AKAP14: variants seen among roughly 807,000 people sequenced by gnomAD.
AKAP14 encodes the protein A-kinase anchor protein 14.
AKAP14 carries 4 observed loss-of-function variants against 17.0 expected under a neutral mutation model. The ratio of observed to expected loss-of-function variants is 0.23; its 90% CI spans 0.12 to 0.54. The LOEUF (loss-of-function observed/expected upper bound fraction) is 0.54. Ranked by LOEUF, AKAP14 falls within the 20% of genes least tolerant of loss-of-function variation. The pLI, the probability that AKAP14 is intolerant of heterozygous loss-of-function variation, is 0.95. For missense variants in AKAP14, 129 were observed against 150.9 expected (o/e 0.85, Z 0.76); for synonymous variants, 42 against 51.3 (o/e 0.82, Z 0.77).
chrX:119,897,544 T>C (rs375824998), intron 2 of AKAP14, among the ~76,000 whole-genome samples: 7 of 112,389 alleles, frequency 6.2e-5, no homozygotes, highest in Non-Finnish European at 1.3e-4. Context: ...CCAAAAACCT[T>C]TGTACAGTTG....
At chrX:119,901,440 C>T (rs1194284193) in intron 2 of AKAP14, among the ~76,000 whole-genome samples, 2 of 111,597 alleles carry the variant, frequency 1.8e-5, no homozygotes, top group Non-Finnish European at 3.8e-5. Context: ...TGTGGTGGCT[C>T]ACACCTGTAA....
chrX:119,917,421 C>T lies in AKAP14; in HGVS notation c.442-2490C>T, dbSNP rs529280676. Reference sequence around the variant, plus strand: ...CTGAGGTTGGGAGTTCCAGACCAGCCTGACCAACACCCTGTCACTACTAAA... The same window carrying T: ...CTGAGGTTGGGAGTTCCAGACCAGCTTGACCAACACCCTGTCACTACTAAA... On this transcript the variant is annotated intron_variant, in intron 5 of 6. Coordinates refer to ENST00000371431, the MANE Select transcript of AKAP14 (RefSeq NM_178813.6). 2.3e-4 allele frequency among the ~76,000 whole-genome samples: 26 copies of T among 111,530 alleles called. No individual in the cohort carries two copies. The South Asian group carries it at 9.7e-3, about 42-fold the overall frequency.
Position 119,920,645 on chromosome X carries a change from G to C in AKAP14, c.*38G>C. ...GTCTTAGGATTGTTTTTCTCATCAG[G>C]ATACATTAAAAATACAATACAGCAC... is the stretch of plus-strand genomic sequence containing the variant. On this transcript the variant is annotated 3_prime_UTR_variant, in exon 7 of 7. Transcript: ENST00000371431. The C allele has an allele frequency of 9.6e-7, 1 of 1,038,931 alleles. No homozygotes were observed. Among genetic ancestry groups the C allele is most frequent in the Non-Finnish European group, 1.3e-6 (1 of 751,251 alleles). The allele number at this position is 1,038,931 out of a possible 1,213,427, so 85.6% of individuals were successfully genotyped here.
At chrX:119,918,033 C>T (rs1161441341) in intron 5 of AKAP14, among the ~76,000 whole-genome samples, 5 of 111,567 alleles carry the variant, frequency 4.5e-5, no homozygotes, top group African/African-American at 1.6e-4. Context: ...GTGCTCTGGC[C>T]ATTCTGATCT....
Position 119,910,087 on chromosome X carries a change from C to T in AKAP14, c.262-4612C>T, listed in dbSNP as rs186184273. On this transcript the variant is annotated intron_variant, in intron 4 of 6. Transcript: ENST00000371431. ...CTGAGGCGGGAGGGTCACTTAAGCC[C>T]GGGAAGGTTGAGGCTACAATGAGCC... Among the ~76,000 whole-genome samples the T allele has an allele frequency of 8.2e-5, 9 of 110,129 alleles. No homozygotes were observed. The East Asian group carries it at 8.6e-4, about 10-fold the overall frequency.
At chrX:119,915,625 C>A (rs1247437115) in intron 5 of AKAP14, among the ~76,000 whole-genome samples, 1 of 112,077 alleles carries the variant, frequency 8.9e-6, no homozygotes, top group Non-Finnish European at 1.9e-5. Flanking sequence ...CCTGTCTCAA[C>A]CTCCCAAGTA....
intron 4 of AKAP14, among the ~76,000 whole-genome samples, chrX:119,913,145 A>C (rs1374603392): frequency 2.8e-5 from 3 of 106,723 alleles, no homozygotes; most frequent in Non-Finnish European, 3.8e-5. Flanking sequence ...TAAATAAATA[A>C]ATAAATAAAA....
chrX:119,908,693 A>C (rs761229711), intron 4 of AKAP14, among the ~76,000 whole-genome samples: 1 of 111,955 alleles, frequency 8.9e-6, no homozygotes, highest in East Asian at 2.8e-4. Context: ...TAGTTGGCTA[A>C]GCCATCCATG....
chrX:119,911,993 C>T (rs377301195), intron 4 of AKAP14, among the ~76,000 whole-genome samples: 22 of 107,177 alleles, frequency 2.1e-4, no homozygotes, highest in East Asian at 1.8e-3. Context: ...TGCAATGGCG[C>T]GATCTCAGCT....
intron 2 of AKAP14, among the ~76,000 whole-genome samples, chrX:119,900,998 A>G (rs962203056): frequency 1.8e-5 from 2 of 112,641 alleles, no homozygotes; most frequent in African/African-American, 3.2e-5. Flanking sequence ...AGCCATCTTT[A>G]CAGCCCTAGT....
rs767111071 is a variant in AKAP14 at position 119,903,517 on chromosome X, C to T, written c.192C>T (p.Asn64=). The change falls in exon 4 of 7, where the codon AAC becomes AAT. Residue 64 remains asparagine, a synonymous_variant. Transcript: ENST00000371431. ...IVEEERNPLK[N]IKWMTHGEFT... ...CAGAGGAGCGAAACCCTTTGAAAAACATCAAGTGGATGACTCACGGTGAAT... is the reference window on the plus strand; with the variant it reads ...CAGAGGAGCGAAACCCTTTGAAAAATATCAAGTGGATGACTCACGGTGAAT... 8.3e-7 allele frequency: 1 copy of T among 1,210,032 alleles called. No homozygotes were observed. The highest frequency in any genetic ancestry group is 1.7e-5 in the African/African-American group (1 of 57,233).
chrX:119,914,447 A>G (rs1284263370), intron 4 of AKAP14, among the ~76,000 whole-genome samples: 1 of 110,062 alleles, frequency 9.1e-6, no homozygotes, highest in East Asian at 2.9e-4. Flanking sequence ...CAGCCTCCCC[A>G]GTAGCTGGGA....
At chrX:119,915,087 T>C (rs763935241) in intron 5 of AKAP14, among the ~76,000 whole-genome samples, 4 of 111,906 alleles carry the variant, frequency 3.6e-5, no homozygotes, top group Non-Finnish European at 7.5e-5. Flanking sequence ...ACTTTCCTGA[T>C]TTTCCTCCTG....
At chrX:119,898,881 G>C (rs1270003367) in intron 2 of AKAP14, among the ~76,000 whole-genome samples, 1 of 106,164 alleles carries the variant, frequency 9.4e-6, no homozygotes, top group Non-Finnish European at 1.9e-5. Flanking sequence ...GAAAATGTGA[G>C]AATAAGGCCA....
chrX:119,911,600 G>A (rs1456464271), intron 4 of AKAP14, among the ~76,000 whole-genome samples: 2 of 111,479 alleles, frequency 1.8e-5, no homozygotes, highest in East Asian at 2.8e-4. Context: ...AGCTTCTCAA[G>A]AAATGACAAC....
At chrX:119,907,857 T>A (rs2056606508) in intron 4 of AKAP14, among the ~76,000 whole-genome samples, 1 of 112,124 alleles carries the variant, frequency 8.9e-6, no homozygotes, top group African/African-American at 3.2e-5. Context: ...TTTTTTCTCA[T>A]CAGCTTCTAC....
In AKAP14 at chrX:119,919,491, G is replaced by C. The variant is rs191982630; in HGVS notation, c.442-420G>C. Among the ~76,000 whole-genome samples, 11 of 112,548 alleles carry C rather than the reference G, an allele frequency of 9.8e-5. No individual in the cohort carries two copies. In the East Asian group the frequency reaches 3.1e-3, roughly 31 times the overall value. Reference sequence around the variant, plus strand: ...CTATAGATTCCCAATTCATAAGCAAGATGAATTCTAGAAATTCAAAAGTAT... The same window carrying C: ...CTATAGATTCCCAATTCATAAGCAACATGAATTCTAGAAATTCAAAAGTAT... On this transcript the variant is annotated intron_variant, in intron 5 of 6. Transcript: ENST00000371431.
At chrX:119,897,787 C>T (rs2056539797) in intron 2 of AKAP14, among the ~76,000 whole-genome samples, 1 of 111,208 alleles carries the variant, frequency 9.0e-6, no homozygotes, top group Non-Finnish European at 1.9e-5. Context: ...GCAAACTGAG[C>T]TTAAAAATGC....
At chrX:119,899,531 G>A (rs2056552580) in intron 2 of AKAP14, among the ~76,000 whole-genome samples, 1 of 111,784 alleles carries the variant, frequency 8.9e-6, no homozygotes, top group Non-Finnish European at 1.9e-5. Context: ...TACCACACTG[G>A]GAAGCTGGGA....
Sources: gnomAD v4.1 joint callset for allele counts (sites outside exome capture counted in the v4.1 genomes callset) on GRCh38, gnomAD v4.1.1 for gene constraint, MANE v1.5 for transcripts, NCBI Gene and HGNC (gene_info 2026-07-23, HGNC 2026-07-21) for gene names.